Variants in VWA3B observed in about 807,000 individuals in gnomAD.
The protein encoded by VWA3B is von Willebrand factor A domain containing 3B, also known as von Willebrand factor A domain-containing protein 3B.
Under a neutral mutation model 158.3 loss-of-function variants are expected in VWA3B, and 138 were observed. That is an observed-to-expected ratio of 0.87 (90% CI 0.76 to 1.00). The LOEUF (loss-of-function observed/expected upper bound fraction) is 1.00. Among genes scored for constraint, VWA3B ranks in the 50% least tolerant of loss-of-function variants. The pLI is 0.00. For missense variants in VWA3B, 1,555 were observed against 1,565.1 expected, an observed-to-expected ratio of 0.99 and a Z score of 0.11; for synonymous variants, 596 against 587.3, an observed-to-expected ratio of 1.01 and a Z score of -0.21.
chr2:98,300,520 C>T (rs1434125519), intron 25 of VWA3B, among the ~76,000 whole-genome samples: 2 of 152,190 alleles, frequency 1.3e-5, no homozygotes, highest in Non-Finnish European at 2.9e-5. Flanking sequence ...TCTCCGTCTT[C>T]CTCATCCTCG....
chr2:98,268,218 C>T (rs1687970318), intron 21 of VWA3B, among the ~76,000 whole-genome samples: 1 of 151,508 alleles, frequency 6.6e-6, no homozygotes, highest in South Asian at 2.1e-4. Flanking sequence ...GATACCAAAG[C>T]CAGGCAGAGA....
At position 98,297,939 on chromosome 2, in the gene VWA3B, G is replaced by A; in HGVS notation, c.3190G>A (p.Ala1064Thr). 1 of 1,581,456 alleles carries A rather than the reference G, an allele frequency of 6.3e-7. No individual in the cohort carries two copies. The highest frequency in any genetic ancestry group is 8.6e-7 in the Non-Finnish European group (1 of 1,163,696). The change falls in exon 24 of 28, where the codon GCA becomes ACA. Residue 1064 changes from alanine (A) to threonine (T), a missense_variant. Physicochemically the swap from Ala to Thr is moderately conservative, Grantham distance 58. Transcript: ENST00000477737. ...GAAGAAGTGTGTGAGCCGCACCCAA[G>A]CACTGGTGGGCTTCAGTTACGGAGA... ...VVKKCVSRTQ[A>T]LVGFSYGDTK...
chr2:98,198,781 TG>T (rs1312454226), intron 12 of VWA3B, among the ~76,000 whole-genome samples: 3 of 152,178 alleles, frequency 2.0e-5, no homozygotes, highest in African/African-American at 7.2e-5. Context: ...ATAGAACTTT[TG>T]GGTTCTAGCT....
At chr2:98,176,856 A>C (rs1680055788) in intron 8 of VWA3B, among the ~76,000 whole-genome samples, 1 of 152,190 alleles carries the variant, frequency 6.6e-6, no homozygotes, top group Admixed American at 6.5e-5. Flanking sequence ...GAAGCCACTG[A>C]CATGCAGTGG....
chr2:98,161,419 C>T (rs1573943917), intron 7 of VWA3B, among the ~76,000 whole-genome samples: 1 of 152,152 alleles, frequency 6.6e-6, no homozygotes, highest in Non-Finnish European at 1.5e-5. Flanking sequence ...GGAACTGACT[C>T]CATCAGGGGG....
intron 8 of VWA3B, among the ~76,000 whole-genome samples, chr2:98,167,085 C>A (rs577023029): frequency 6.6e-6 from 1 of 152,216 alleles, no homozygotes; most frequent in African/African-American, 2.4e-5. Context: ...CAGCTGTTCC[C>A]CTAAGCTGGC....
chr2:98,093,886 A>G (rs570175196), intron 2 of VWA3B, among the ~76,000 whole-genome samples: 3 of 152,292 alleles, frequency 2.0e-5, no homozygotes, highest in African/African-American at 7.2e-5. Flanking sequence ...GAGTGAGGTT[A>G]TGTGGTGTTT....
At chr2:98,203,566 A>C (rs1027925243) in intron 12 of VWA3B, among the ~76,000 whole-genome samples, 2 of 152,232 alleles carry the variant, frequency 1.3e-5, no homozygotes, top group African/African-American at 2.4e-5. Flanking sequence ...CCATGAATAC[A>C]GTATGTCTCT....
In VWA3B at chr2:98,193,019, A is replaced by T. The variant is rs1681729528; in HGVS notation, c.1588A>T (p.Ile530Phe). 1.2e-6 allele frequency: 2 copies of T among 1,613,634 alleles called. No individual in the cohort carries two copies. Among genetic ancestry groups the T allele is most frequent in the Non-Finnish European group, 1.7e-6 (2 of 1,179,774 alleles). The change falls in exon 11 of 28, where the codon ATC becomes TTC. Residue 530 changes from isoleucine to phenylalanine, a missense_variant. By Grantham distance (21) the Ile-to-Phe change is conservative. Coordinates refer to ENST00000477737, the MANE Select transcript of VWA3B (RefSeq NM_144992.5). ...KSKLDLVKDK[I>F]IQFIQEQLKY... Reference sequence around the variant, plus strand: ...CAAACTGGACTTGGTGAAGGACAAGATCATTCAGTTCATACAGGTTAGATG... The same window carrying T: ...CAAACTGGACTTGGTGAAGGACAAGTTCATTCAGTTCATACAGGTTAGATG...
chr2:98,107,878 CT>C (rs1177660828), intron 2 of VWA3B, among the ~76,000 whole-genome samples: 11 of 151,430 alleles, frequency 7.3e-5, no homozygotes, highest in Non-Finnish European at 1.3e-4. Context: ...CTACTTTGAT[CT>C]TTATTATTTA....
At chr2:98,096,863 T>C (rs1682750277) in intron 2 of VWA3B, among the ~76,000 whole-genome samples, 2 of 152,124 alleles carry the variant, frequency 1.3e-5, no homozygotes, top group African/African-American at 4.8e-5. Context: ...CAAGAGACTA[T>C]CTCTTTGTTT....
chr2:98,094,182 T>C (rs963538636), intron 2 of VWA3B, among the ~76,000 whole-genome samples: 13 of 152,208 alleles, frequency 8.5e-5, no homozygotes, highest in Admixed American at 7.9e-4. Context: ...CTGGATCATA[T>C]GGTAGTTCTA....
intron 8 of VWA3B, among the ~76,000 whole-genome samples, chr2:98,168,412 C>A (rs552428166): frequency 1.3e-5 from 2 of 149,310 alleles, no homozygotes; most frequent in South Asian, 4.2e-4. Context: ...CACACACAAA[C>A]TAAAACCCAA....
chr2:98,254,675 G>A (rs761070561), intron 20 of VWA3B, among the ~76,000 whole-genome samples: 1 of 152,198 alleles, frequency 6.6e-6, no homozygotes, highest in Non-Finnish European at 1.5e-5. Context: ...AAGTCCTCAT[G>A]GCGACACTAG....
At chr2:98,261,527 T>A (rs1687478182) in intron 21 of VWA3B, among the ~76,000 whole-genome samples, 1 of 151,830 alleles carries the variant, frequency 6.6e-6, no homozygotes, top group African/African-American at 2.4e-5. Context: ...CTTAGAATTA[T>A]CTTCCAGTAT....
intron 23 of VWA3B, among the ~76,000 whole-genome samples, chr2:98,292,799 T>G (rs900865296): frequency 3.9e-5 from 6 of 151,978 alleles, no homozygotes; most frequent in African/African-American, 1.5e-4. Flanking sequence ...AACTCATTTC[T>G]ACTAAAAATA....
In VWA3B at chr2:98,234,628, T is replaced by C. The variant is rs763768195; in HGVS notation, c.2309-20T>C. 8 of 1,613,974 alleles carry C rather than the reference T, an allele frequency of 5.0e-6. No homozygotes were observed. In the East Asian group the frequency reaches 1.6e-4, roughly 31 times the overall value. ...TTCCATCCCCAATTCCTTTAACTCT[T>C]CCCTCTGTGATACCAACAGAATCAA... is the stretch of plus-strand genomic sequence containing the variant. On this transcript the variant is annotated intron_variant, in intron 16 of 27. Transcript: ENST00000477737.
At chr2:98,116,218 A>G (rs1173893469) in intron 3 of VWA3B, among the ~76,000 whole-genome samples, 3 of 152,156 alleles carry the variant, frequency 2.0e-5, no homozygotes, top group Non-Finnish European at 4.4e-5. Context: ...GGCCAACCAC[A>G]TGGAGCTCAA....
chr2:98,290,898 T>G (rs892872374), intron 23 of VWA3B: 5 of 335,420 alleles, frequency 1.5e-5, no homozygotes, highest in Non-Finnish European at 1.6e-5. Context: ...GTTGCATGTA[T>G]GTAATATTTT....
Sources: allele counts gnomAD v4.1 joint callset (sites outside exome capture counted in the v4.1 genomes callset), GRCh38; gene constraint gnomAD v4.1.1; transcripts MANE v1.5; gene names NCBI Gene and HGNC (gene_info 2026-07-23, HGNC 2026-07-21).